KCNIP4: variants seen among roughly 807,000 people sequenced by gnomAD.
KCNIP4 encodes the protein potassium voltage-gated channel interacting protein 4, also known as Kv channel-interacting protein 4.
A neutral mutation model predicts 34.0 loss-of-function variants in KCNIP4; 12 were observed. The observed-to-expected ratio is 0.35, with a 90% CI of 0.23 to 0.57. The LOEUF (loss-of-function observed/expected upper bound fraction) is 0.57, where lower values mean the gene tolerates loss of function less well. KCNIP4 is among the 20% of genes least tolerant of loss of function. The probability of loss-of-function intolerance (pLI) is 0.83; values close to 1 mark genes in which losing one functional copy is unlikely to be tolerated. For synonymous variants in KCNIP4, 124 were observed against 102.2 expected, an observed-to-expected ratio of 1.21 and a Z score of -1.29; for missense variants, 238 against 311.7, an observed-to-expected ratio of 0.76 and a Z score of 1.78.
At chr4:21,669,125 C>T (rs566185677) in intron 1 of KCNIP4, among the ~76,000 whole-genome samples, 1 of 151,780 alleles carries the variant, frequency 6.6e-6, no homozygotes, top group African/African-American at 2.4e-5. Context: ...CCCTGCCTCC[C>T]TCCCTCCCTC....
At chr4:21,478,460 A>C (rs1317572987) in intron 1 of KCNIP4, among the ~76,000 whole-genome samples, 1 of 151,878 alleles carries the variant, frequency 6.6e-6, no homozygotes, top group Admixed American at 6.6e-5. Context: ...GGGAAATAGC[A>C]AACAAAACAA....
At chr4:21,172,275 G>A (rs184501712) in intron 1 of KCNIP4, among the ~76,000 whole-genome samples, 7 of 152,018 alleles carry the variant, frequency 4.6e-5, no homozygotes, top group Admixed American at 2.6e-4. Context: ...CAAGCAATCC[G>A]CCGGCCTTGA....
At chr4:21,649,995 C>T (rs1442674290) in intron 1 of KCNIP4, among the ~76,000 whole-genome samples, 2 of 152,240 alleles carry the variant, frequency 1.3e-5, no homozygotes, top group Non-Finnish European at 2.9e-5. Flanking sequence ...TTTCCATCCT[C>T]ACGTGAAACC....
At chr4:21,335,309 A>G (rs1431147863) in intron 1 of KCNIP4, among the ~76,000 whole-genome samples, 8 of 152,104 alleles carry the variant, frequency 5.3e-5, no homozygotes. Context: ...ACCTTAAAAA[A>G]CTTATAATGC....
At chr4:20,853,471 C>T (rs1211653632) in intron 2 of KCNIP4, among the ~76,000 whole-genome samples, 2 of 152,076 alleles carry the variant, frequency 1.3e-5, no homozygotes, top group Non-Finnish European at 2.9e-5. Context: ...CCTCTTCTCT[C>T]ACCTTATACA....
intron 1 of KCNIP4, among the ~76,000 whole-genome samples, chr4:21,123,173 C>T (rs1236599704): frequency 6.6e-6 from 1 of 151,390 alleles, no homozygotes; most frequent in African/African-American, 2.4e-5. Flanking sequence ...AAGATCGTGC[C>T]ACTGCACTCC....
At chr4:20,842,312 G>T (rs186517396) in intron 3 of KCNIP4, among the ~76,000 whole-genome samples, 2 of 152,006 alleles carry the variant, frequency 1.3e-5, no homozygotes, top group Non-Finnish European at 2.9e-5. Context: ...AGCATTTCTC[G>T]CAGGAGAAAA....
intron 8 of KCNIP4, 80 bp downstream of exon 8, chr4:20,731,926 G>T: frequency 6.3e-7 from 1 of 1,584,758 alleles, no homozygotes. Flanking sequence ...ATTTCGCCCA[G>T]TTCATGGTAG....
At chr4:20,781,747 C>G (rs1756894631) in intron 3 of KCNIP4, among the ~76,000 whole-genome samples, 1 of 152,138 alleles carries the variant, frequency 6.6e-6, no homozygotes, top group Non-Finnish European at 1.5e-5. Context: ...GGTGGGGACA[C>G]AGAGCCAAAC....
At chr4:21,005,773 T>C (rs576479403) in intron 1 of KCNIP4, among the ~76,000 whole-genome samples, 10 of 152,156 alleles carry the variant, frequency 6.6e-5, no homozygotes, top group Non-Finnish European at 1.2e-4. Context: ...ACTTTGGTTA[T>C]AGTGAAGGAG....
chr4:21,750,388 C>T (rs963814343), intron 1 of KCNIP4, among the ~76,000 whole-genome samples: 3 of 152,180 alleles, frequency 2.0e-5, no homozygotes, highest in East Asian at 1.9e-4. Context: ...CTAAAGTCTA[C>T]GGTAAGAACA....
At chr4:21,672,812 C>T (rs1450258303) in intron 1 of KCNIP4, among the ~76,000 whole-genome samples, 1 of 152,186 alleles carries the variant, frequency 6.6e-6, no homozygotes, top group Non-Finnish European at 1.5e-5. Context: ...CAGCATTGCT[C>T]ATGAGTTTGT....
intron 1 of KCNIP4, among the ~76,000 whole-genome samples, chr4:21,636,123 A>C (rs1746128722): frequency 9.0e-6 from 1 of 111,234 alleles, no homozygotes; most frequent in Non-Finnish European, 1.7e-5. Flanking sequence ...GGAATATCAC[A>C]CTCTGGGGAC....
chr4:20,735,540 T>G (rs1749409021), intron 5 of KCNIP4, among the ~76,000 whole-genome samples: 2 of 147,072 alleles, frequency 1.4e-5, no homozygotes, highest in Non-Finnish European at 3.0e-5. Flanking sequence ...GTTTTTTTTT[T>G]TTTTTTTGAG....
intron 2 of KCNIP4, among the ~76,000 whole-genome samples, chr4:20,871,937 T>C (rs142465184): frequency 0.011 from 1,605 of 152,208 alleles, 26 homozygotes; most frequent in African/African-American, 0.037. Flanking sequence ...TCAGGAAAAA[T>C]GCTTTGCAAA....
At chr4:21,295,400 T>C (rs1763778537) in intron 1 of KCNIP4, among the ~76,000 whole-genome samples, 1 of 152,120 alleles carries the variant, frequency 6.6e-6, no homozygotes, top group Non-Finnish European at 1.5e-5. Context: ...GTAGAGACTT[T>C]CTATTTGAAC....
chr4:21,013,858 G>T (rs1739275343), intron 1 of KCNIP4, among the ~76,000 whole-genome samples: 1 of 152,140 alleles, frequency 6.6e-6, no homozygotes, highest in Non-Finnish European at 1.5e-5. Context: ...AGAAATTCTT[G>T]TTATATTTGA....
At chr4:21,783,091 T>C (rs989457620) in intron 1 of KCNIP4, among the ~76,000 whole-genome samples, 1 of 150,492 alleles carries the variant, frequency 6.6e-6, no homozygotes, top group Admixed American at 6.6e-5. Flanking sequence ...ATTTTGATCA[T>C]GGTGGTAAAA....
chr4:21,347,868 G>T (rs35707624), intron 1 of KCNIP4, among the ~76,000 whole-genome samples: 3,875 of 152,174 alleles, frequency 0.025, 196 homozygotes, highest in East Asian at 0.2. Context: ...TATGCCATGA[G>T]AAATTAAGAA....
Sources: allele counts gnomAD v4.1 joint callset (sites outside exome capture counted in the v4.1 genomes callset), GRCh38; gene constraint gnomAD v4.1.1; transcripts MANE v1.5; gene names NCBI Gene and HGNC (gene_info 2026-07-23, HGNC 2026-07-21).